Variants in ADAM12 observed in about 807,000 individuals in gnomAD.
The protein encoded by ADAM12 is disintegrin and metalloproteinase domain-containing protein 12.
In ADAM12, 70 loss-of-function variants were observed where a neutral mutation model predicts 106.4. The ratio of observed to expected loss-of-function variants is 0.66; its 90% CI spans 0.54 to 0.80. The LOEUF (loss-of-function observed/expected upper bound fraction) is 0.80. ADAM12 is among the 30% of genes least tolerant of loss of function. The pLI, the probability that ADAM12 is intolerant of heterozygous loss-of-function variation, is 0.00. For missense variants in ADAM12, 1,010 were observed against 1,171.9 expected, an observed-to-expected ratio of 0.86 and a Z score of 2.02; for synonymous variants, 420 against 433.5, an observed-to-expected ratio of 0.97 and a Z score of 0.39.
At chr10:126,140,956 TAGTGGCCAGC>T (rs1003949759) in intron 4 of ADAM12, among the ~76,000 whole-genome samples, 1 of 152,218 alleles carries the variant, frequency 6.6e-6, no homozygotes, top group Non-Finnish European at 1.5e-5. Flanking sequence ...ACATCACCGC[TAGTGGCCAGC>T]AGTGGCCAGT....
At chr10:126,040,663 A>AG (rs1368828402) in intron 18 of ADAM12, among the ~76,000 whole-genome samples, 6 of 152,186 alleles carry the variant, frequency 3.9e-5, no homozygotes, top group Non-Finnish European at 8.8e-5. Context: ...TAGTGATCAC[A>AG]GGGGGCTCTA....
chr10:126,097,998 G>A (rs553322475), intron 10 of ADAM12, among the ~76,000 whole-genome samples: 2 of 152,288 alleles, frequency 1.3e-5, no homozygotes, highest in African/African-American at 4.8e-5. Context: ...TCAGACTTTG[G>A]GCCATTGGGC....
intron 14 of ADAM12, among the ~76,000 whole-genome samples, chr10:126,050,177 A>T (rs1954443572): frequency 6.6e-6 from 1 of 152,240 alleles, no homozygotes; most frequent in South Asian, 2.1e-4. Context: ...AAGAGAAAGT[A>T]CTACCTTCTT....
At chr10:126,324,235 T>C (rs563108071) in intron 2 of ADAM12, among the ~76,000 whole-genome samples, 3 of 152,216 alleles carry the variant, frequency 2.0e-5, no homozygotes, top group South Asian at 2.1e-4. Flanking sequence ...GGGTTCAGGA[T>C]GGGTTTCACA....
chr10:126,157,027 G>A (rs1956830721), intron 3 of ADAM12, among the ~76,000 whole-genome samples: 1 of 103,986 alleles, frequency 9.6e-6, no homozygotes, highest in Non-Finnish European at 2.1e-5. Flanking sequence ...TTGTGTGTGT[G>A]TGTGTGGGGG....
chr10:126,308,591 C>T (rs1015470394), intron 2 of ADAM12, among the ~76,000 whole-genome samples: 3 of 152,214 alleles, frequency 2.0e-5, no homozygotes, highest in African/African-American at 7.2e-5. Flanking sequence ...AACTTTTACA[C>T]AGCCACTATT....
At chr10:126,345,637 C>T (rs1279070649) in intron 1 of ADAM12, among the ~76,000 whole-genome samples, 10 of 152,060 alleles carry the variant, frequency 6.6e-5, no homozygotes, top group South Asian at 2.1e-4. Flanking sequence ...AATTCGGCTG[C>T]GAATCCGTCT....
intron 2 of ADAM12, among the ~76,000 whole-genome samples, chr10:126,286,606 T>C (rs1296240551): frequency 6.6e-6 from 1 of 152,228 alleles, no homozygotes; most frequent in Non-Finnish European, 1.5e-5. Flanking sequence ...CAATCTTGAT[T>C]ACCACTTTAA....
In ADAM12 at chr10:126,293,676, G is replaced by A. The variant is rs529425355; in HGVS notation, c.187-14688C>T. On this transcript the variant is annotated intron_variant, in intron 2 of 22. Coordinates refer to ENST00000448723, the MANE Select transcript of ADAM12 (RefSeq NM_001288973.2). ...TGAGATTGCAGGTGCATGTCACCAC[G>A]CCTGGCCAATTTTTGTTGTTTTTTA... 1.5e-4 allele frequency among the ~76,000 whole-genome samples: 23 copies of A among 152,194 alleles called. No homozygotes were observed. In the South Asian group the frequency reaches 4.4e-3, roughly 29 times the overall value.
At chr10:126,050,710 G>A (rs927241239) in intron 14 of ADAM12, among the ~76,000 whole-genome samples, 4 of 152,082 alleles carry the variant, frequency 2.6e-5, no homozygotes, top group African/African-American at 7.2e-5. Context: ...ATCCCCCTTC[G>A]TTAGCCTGCA....
chr10:126,170,099 C>T (rs1957092430), intron 3 of ADAM12, among the ~76,000 whole-genome samples: 1 of 152,212 alleles, frequency 6.6e-6, no homozygotes, highest in South Asian at 2.1e-4. Flanking sequence ...ATTTTCTTGG[C>T]CGTGGCGGAA....
intron 2 of ADAM12, among the ~76,000 whole-genome samples, chr10:126,309,582 C>G (rs1250733569): frequency 6.6e-6 from 1 of 152,198 alleles, no homozygotes; most frequent in African/African-American, 2.4e-5. Flanking sequence ...GAATGATGCA[C>G]TGGGTCCAGA....
intron 9 of ADAM12, among the ~76,000 whole-genome samples, chr10:126,099,772 A>G (rs527836268): frequency 3.3e-5 from 5 of 152,316 alleles, no homozygotes; most frequent in South Asian, 4.1e-4. Flanking sequence ...CTGAAGTGAC[A>G]ATGGGGTAGG....
intron 3 of ADAM12, among the ~76,000 whole-genome samples, chr10:126,207,232 A>G (rs1422355774): frequency 6.6e-6 from 1 of 152,194 alleles, no homozygotes; most frequent in Non-Finnish European, 1.5e-5. Flanking sequence ...GGGGGAAACA[A>G]TGGAATGGGG....
intron 5 of ADAM12, among the ~76,000 whole-genome samples, chr10:126,125,110 C>A (rs1164522300): frequency 6.6e-6 from 1 of 152,042 alleles, no homozygotes; most frequent in African/African-American, 2.4e-5. Flanking sequence ...GTCATGCAAA[C>A]ATCACCACTA....
chr10:126,377,662 A>C (rs1856342674), intron 1 of ADAM12, among the ~76,000 whole-genome samples: 1 of 152,206 alleles, frequency 6.6e-6, no homozygotes, highest in South Asian at 2.1e-4. Context: ...CACGCCAACC[A>C]ATCTAAACAC....
rs1246049402 is a variant in ADAM12, at chr10:126,038,354, A to C, written c.2241-5T>G. 1.9e-6 allele frequency: 3 copies of C among 1,574,076 alleles called. No individual in the cohort carries two copies. The highest frequency in any genetic ancestry group is 2.6e-6 in the Non-Finnish European group (3 of 1,158,580). On this transcript the variant is annotated splice_polypyrimidine_tract_variant and splice_region_variant and intron_variant, in intron 19 of 22. Transcript: ENST00000448723. ...GGCCGGGAAGGGCGCACACACCTGC[A>C]ACAGAATCCCATACCTGCTGACCAA... is the stretch of plus-strand genomic sequence containing the variant.
At chr10:126,335,224 T>C (rs1379628861) in intron 1 of ADAM12, among the ~76,000 whole-genome samples, 1 of 152,154 alleles carries the variant, frequency 6.6e-6, no homozygotes, top group Non-Finnish European at 1.5e-5. Context: ...CAGTGGGCCA[T>C]TGAGAAAATA....
intron 3 of ADAM12, among the ~76,000 whole-genome samples, chr10:126,166,843 A>G (rs1957034180): frequency 6.6e-6 from 1 of 152,172 alleles, no homozygotes; most frequent in Non-Finnish European, 1.5e-5. Context: ...AAGTTTCAGT[A>G]GCACAATTTT....
Sources: gnomAD v4.1 joint callset for allele counts (sites outside exome capture counted in the v4.1 genomes callset) on GRCh38, gnomAD v4.1.1 for gene constraint, MANE v1.5 for transcripts, NCBI Gene and HGNC (gene_info 2026-07-23, HGNC 2026-07-21) for gene names.